DLGAP2: variants seen among roughly 807,000 people sequenced by gnomAD.
The protein encoded by DLGAP2 is DLG associated protein 2, also known as disks large-associated protein 2.
A neutral mutation model predicts 100.3 loss-of-function variants in DLGAP2; 26 were observed. That is an observed-to-expected ratio of 0.26 (90% CI 0.19 to 0.36). DLGAP2 has a LOEUF of 0.36. DLGAP2 is among the 10% of genes least tolerant of loss of function. The probability of loss-of-function intolerance (pLI) is 1.00; values close to 1 mark genes in which losing one functional copy is unlikely to be tolerated. For synonymous variants in DLGAP2, 886 were observed against 630.1 expected, an observed-to-expected ratio of 1.41 and a Z score of -6.08; for missense variants, 1,858 against 1,453.2, an observed-to-expected ratio of 1.28 and a Z score of -4.53.
intron 2 of DLGAP2, among the ~76,000 whole-genome samples, chr8:1,221,024 C>T (rs80279053): frequency 2.6e-3 from 392 of 152,246 alleles, no homozygotes; most frequent in African/African-American, 8.7e-3. Context: ...TTGAAGACAG[C>T]GTACAGTTGA....
At chr8:872,179 C>G (rs1411765065) in intron 1 of DLGAP2, among the ~76,000 whole-genome samples, 1 of 151,966 alleles carries the variant, frequency 6.6e-6, no homozygotes, top group Non-Finnish European at 1.5e-5. Flanking sequence ...GGAATTTATT[C>G]TAAGGTTCAT....
intron 3 of DLGAP2, chr8:1,302,468 G>C (rs1554438366): frequency 0.72 from 58,722 of 81,848 alleles, 21,913 homozygotes; most frequent in African/African-American, 0.8. Flanking sequence ...TGTGAGTTCC[G>C]GAGCTCTGCT....
chr8:1,288,645 G>T (rs998476386), intron 3 of DLGAP2, among the ~76,000 whole-genome samples: 13 of 138,840 alleles, frequency 9.4e-5, no homozygotes, highest in African/African-American at 3.6e-4. Context: ...GTGTGTGTGT[G>T]TACGTAGTTA....
intron 3 of DLGAP2, among the ~76,000 whole-genome samples, chr8:1,371,233 T>C (rs1313813804): frequency 1.3e-5 from 2 of 152,234 alleles, no homozygotes; most frequent in East Asian, 1.9e-4. Flanking sequence ...CAGACAGGCA[T>C]TGAGGGGAAC....
intron 2 of DLGAP2, among the ~76,000 whole-genome samples, chr8:965,349 G>C (rs868531486): frequency 4.3e-4 from 35 of 82,182 alleles, no homozygotes; most frequent in African/African-American, 1.0e-3. Flanking sequence ...TCACCACACA[G>C]GGCTCCTGAG....
At chr8:1,335,085 G>C (rs1801244603) in intron 3 of DLGAP2, among the ~76,000 whole-genome samples, 1 of 152,208 alleles carries the variant, frequency 6.6e-6, no homozygotes, top group South Asian at 2.1e-4. Flanking sequence ...AGGAACCATG[G>C]TCTGACGTTT....
In DLGAP2 at chr8:990,361, C is replaced by CCACACCCCCTGCACCCCCATACT. The variant is rs1563131866; in HGVS notation, c.73+82396_73+82397insACACCCCCTGCACCCCCATACTC. Among the ~76,000 whole-genome samples the CCACACCCCCTGCACCCCCATACT allele has an allele frequency of 1.7e-4, 21 of 124,248 alleles. 2 individuals are homozygous for CCACACCCCCTGCACCCCCATACT. Among genetic ancestry groups the CCACACCCCCTGCACCCCCATACT allele is most frequent in the African/African-American group, 3.3e-4 (11 of 33,264 alleles). The allele number at this position is 124,248 out of a possible 152,430, so 81.5% of individuals were successfully genotyped here. A position where few individuals can be genotyped will look rare whatever the true frequency, so the allele number is the denominator to read the frequency against. On this transcript the variant is annotated intron_variant, in intron 2 of 14. Transcript: ENST00000637795. Reference sequence around the variant, plus strand: ...TTCCTGTTCTTCTCTCCCTCCTTGCCCGGACCCCCTGCACCCCCATACTCG... The same window carrying CCACACCCCCTGCACCCCCATACT: ...TTCCTGTTCTTCTCTCCCTCCTTGCCCACACCCCCTGCACCCCCATACTCGGACCCCCTGCACCCCCATACTCG...
intron 3 of DLGAP2, among the ~76,000 whole-genome samples, chr8:1,314,753 G>T (rs1800691447): frequency 6.6e-6 from 1 of 152,142 alleles, no homozygotes; most frequent in African/African-American, 2.4e-5. Context: ...GTCTCCCTAT[G>T]GTGCCACTTC....
chr8:1,531,289 G>A (rs1389970342), intron 4 of DLGAP2, among the ~76,000 whole-genome samples: 1 of 150,104 alleles, frequency 6.7e-6, no homozygotes, highest in East Asian at 2.0e-4. Flanking sequence ...TTCTTAACCT[G>A]GGACAAATTT....
chr8:1,354,075 G>A (rs1462645259), intron 3 of DLGAP2, among the ~76,000 whole-genome samples: 1 of 152,136 alleles, frequency 6.6e-6, no homozygotes, highest in Non-Finnish European at 1.5e-5. Flanking sequence ...GGGCAATGTT[G>A]TATCAGAAGC....
At chr8:795,393 C>T (rs1223309723) in intron 1 of DLGAP2, among the ~76,000 whole-genome samples, 1 of 152,212 alleles carries the variant, frequency 6.6e-6, no homozygotes, top group African/African-American at 2.4e-5. Flanking sequence ...CATGTCACAG[C>T]CTTGCACTTA....
In DLGAP2 at chr8:1,385,225, T is replaced by G. The variant is rs6990253; in HGVS notation, c.107-116141T>G. Among the ~76,000 whole-genome samples the G allele has an allele frequency of 2.0e-4, 10 of 48,836 alleles. No homozygotes were observed. In the East Asian group the frequency reaches 3.8e-3, roughly 18 times the overall value. 32.0% of individuals were successfully genotyped at this position (48,836 alleles called of 152,430 possible). ...GCACAGTTACCCCGGCCTATGCCCG[T>G]CCCCTGAGAACTTGGTGGACAGTTA... On this transcript the variant is annotated intron_variant, in intron 3 of 14. Transcript: ENST00000637795.
intron 2 of DLGAP2, among the ~76,000 whole-genome samples, chr8:963,239 C>T (rs905302189): frequency 2.0e-5 from 3 of 150,072 alleles, no homozygotes; most frequent in Non-Finnish European, 1.5e-5. Context: ...CGCCACCCCA[C>T]GACCCCATTT....
In DLGAP2 at chr8:1,043,014, G is replaced by A. The variant is rs867543675; in HGVS notation, c.73+135048G>A. On this transcript the variant is annotated intron_variant, in intron 2 of 14. Transcript: ENST00000637795. The stretch of plus-strand genomic sequence containing the variant: ...TGGATGTGGGTGGTGGGTGTGGGTG[G>A]TGGGTGTGGGTGGTGGATGTGGGTG... Among the ~76,000 whole-genome samples the A allele has an allele frequency of 4.9e-3, 695 of 141,914 alleles. 2 individuals carry two copies. The highest frequency in any genetic ancestry group is 0.018 in the African/African-American group (665 of 36,962). 93.1% of individuals were successfully genotyped at this position (141,914 alleles called of 152,430 possible). A position where few individuals can be genotyped will look rare whatever the true frequency, so the allele number is the denominator to read the frequency against.
At chr8:940,213 T>C (rs973818901) in intron 2 of DLGAP2, among the ~76,000 whole-genome samples, 3 of 152,100 alleles carry the variant, frequency 2.0e-5, no homozygotes, top group African/African-American at 4.8e-5. Context: ...TCTCTGAGTT[T>C]CCATTTCACC....
chr8:1,469,478 AG>A (rs1282082819), intron 3 of DLGAP2, among the ~76,000 whole-genome samples: 1 of 152,194 alleles, frequency 6.6e-6, no homozygotes, highest in Non-Finnish European at 1.5e-5. Flanking sequence ...TGTGCAGGAG[AG>A]GTTTCTTCGG....
At chr8:738,105 A>C in intron 1 of DLGAP2, 2 of 205,022 alleles carry the variant, frequency 9.8e-6, no homozygotes, top group Non-Finnish European at 1.9e-5. Flanking sequence ...GCGGGAGCGC[A>C]CGGGGCCGCG....
chr8:1,240,589 T>A (rs1436825378), intron 2 of DLGAP2, among the ~76,000 whole-genome samples: 1 of 150,852 alleles, frequency 6.6e-6, no homozygotes, highest in Admixed American at 6.6e-5. Flanking sequence ...TGTCTAGTTC[T>A]CTCACATGGT....
chr8:958,443 A>C, intron 2 of DLGAP2, among the ~76,000 whole-genome samples: 1 of 152,236 alleles, frequency 6.6e-6, no homozygotes, highest in East Asian at 1.9e-4. Flanking sequence ...TTGCAGGGTC[A>C]TATGGTGATT....
Sources: gnomAD v4.1 joint callset for allele counts (sites outside exome capture counted in the v4.1 genomes callset) on GRCh38, gnomAD v4.1.1 for gene constraint, MANE v1.5 for transcripts, NCBI Gene and HGNC (gene_info 2026-07-23, HGNC 2026-07-21) for gene names.